The following KLRG1 variants were observed in gnomAD, a reference collection of about 807,000 sequenced individuals.
KLRG1 encodes killer cell lectin like receptor G1.
In KLRG1, 16 loss-of-function variants were observed where a neutral mutation model predicts 21.8. The observed-to-expected ratio is 0.73, with a 90% CI of 0.50 to 1.11. The LOEUF (loss-of-function observed/expected upper bound fraction) is 1.11, where lower values mean the gene tolerates loss of function less well. Ranked by LOEUF, KLRG1 falls within the 50% of genes most tolerant of loss-of-function variation. The pLI, the probability that KLRG1 is intolerant of heterozygous loss-of-function variation, is 0.00. For synonymous variants in KLRG1, 69 were observed against 75.9 expected (o/e 0.91, Z 0.47); for missense variants, 173 against 218.3 (o/e 0.79, Z 1.31).
At chr12:9,196,772 A>T in the KLRG1 span, 1 of 1,214,640 alleles carries the variant, frequency 8.2e-7, no homozygotes, top group Non-Finnish European at 1.2e-6. Flanking sequence ...ATGACAAGAA[A>T]ACTTTTTTTT....
At chr12:9,062,227 A>G in the KLRG1 span, among the ~76,000 whole-genome samples, 1 of 124,830 alleles carries the variant, frequency 8.0e-6, no homozygotes, top group African/African-American at 3.2e-5. Context: ...CACCTGACAC[A>G]ATAGATGGAT....
chr12:9,058,496 T>C, the KLRG1 span: 1 of 152,166 alleles, frequency 6.6e-6, no homozygotes, highest in African/African-American at 2.4e-5. Flanking sequence ...TAAATATTCA[T>C]ATGCTCATTG....
At chr12:9,165,279 C>T in the KLRG1 span, 1 of 1,614,140 alleles carries the variant, frequency 6.2e-7, no homozygotes, top group East Asian at 2.2e-5. Flanking sequence ...ATACCAAGTC[C>T]AGCATCTTCG....
chr12:9,187,493 C>G, the KLRG1 span, among the ~76,000 whole-genome samples: 3 of 152,132 alleles, frequency 2.0e-5, no homozygotes, highest in African/African-American at 7.2e-5. Flanking sequence ...CTCGGACTAC[C>G]ATGTGATTAA....
At chr12:9,180,957 G>A in the KLRG1 span, 2 of 1,602,588 alleles carry the variant, frequency 1.2e-6, no homozygotes, top group South Asian at 2.2e-5. Context: ...GGCCCTTCCT[G>A]GTCCCCAAGG....
chr12:8,963,986 G>A (rs1358714017), intron 1 of KLRG1, among the ~76,000 whole-genome samples: 4 of 152,074 alleles, frequency 2.6e-5, no homozygotes, highest in African/African-American at 7.2e-5. Context: ...CAAAAAACCA[G>A]CTCCTGGATT....
the KLRG1 span, among the ~76,000 whole-genome samples, chr12:9,037,414 A>G: frequency 6.6e-6 from 1 of 152,202 alleles, no homozygotes; most frequent in Non-Finnish European, 1.5e-5. Flanking sequence ...TGAATTGGTT[A>G]TGTATCTAGT....
the KLRG1 span, chr12:9,067,491 C>T: frequency 5.3e-6 from 2 of 377,480 alleles, no homozygotes; most frequent in Non-Finnish European, 1.0e-5. Flanking sequence ...ATTCCCATAA[C>T]CAAACACACT....
chr12:9,096,469 G>A, the KLRG1 span, among the ~76,000 whole-genome samples: 2 of 152,160 alleles, frequency 1.3e-5, no homozygotes, highest in Admixed American at 6.5e-5. Context: ...ACAGGCACAC[G>A]AATAGGAATA....
At chr12:9,127,379 GTTT>G in the KLRG1 span, among the ~76,000 whole-genome samples, 14 of 152,248 alleles carry the variant, frequency 9.2e-5, no homozygotes, top group South Asian at 1.7e-3. Flanking sequence ...TGGTTTTGGT[GTTT>G]TATCAGCCCT....
At chr12:9,169,702 T>C in the KLRG1 span, 1,650 of 1,037,696 alleles carry the variant, frequency 1.6e-3, 19 homozygotes, top group African/African-American at 0.024. Context: ...AGTACGTTCA[T>C]GTAGTTGGTA....
intron 1 of KLRG1, among the ~76,000 whole-genome samples, chr12:8,959,828 G>A (rs1946354307): frequency 6.6e-6 from 1 of 152,064 alleles, no homozygotes; most frequent in Non-Finnish European, 1.5e-5. Context: ...AATTTATTTT[G>A]TGAATGTTTA....
intron 1 of KLRG1, among the ~76,000 whole-genome samples, chr12:8,983,485 C>T (rs935447353): frequency 1.1e-4 from 16 of 146,156 alleles, no homozygotes; most frequent in South Asian, 6.4e-4. Flanking sequence ...ACTGCAACCT[C>T]GGCCTCCTGG....
chr12:9,035,607 AAGAC>A, the KLRG1 span, among the ~76,000 whole-genome samples: 7 of 151,964 alleles, frequency 4.6e-5, no homozygotes, highest in Non-Finnish European at 8.8e-5. Context: ...AAAAAAAAAA[AAGAC>A]AGAACTACCA....
At chr12:9,123,633 C>T in the KLRG1 span, among the ~76,000 whole-genome samples, 69 of 149,518 alleles carry the variant, frequency 4.6e-4, no homozygotes, top group Admixed American at 4.6e-3. Context: ...CCCTGGATGA[C>T]CAAGGGTAAC....
intron 1 of KLRG1, among the ~76,000 whole-genome samples, chr12:8,973,687 G>A (rs1304471169): frequency 6.6e-6 from 1 of 151,980 alleles, no homozygotes; most frequent in Non-Finnish European, 1.5e-5. Flanking sequence ...CATGAACATG[G>A]GATATCTTTC....
At chr12:9,134,734 A>G in the KLRG1 span, among the ~76,000 whole-genome samples, 2 of 152,128 alleles carry the variant, frequency 1.3e-5, no homozygotes, top group East Asian at 3.9e-4. Context: ...TTTGTCGTAT[A>G]CAGAATTTTC....
the KLRG1 span, among the ~76,000 whole-genome samples, chr12:9,140,232 A>G: frequency 6.6e-6 from 1 of 152,202 alleles, no homozygotes; most frequent in Non-Finnish European, 1.5e-5. Context: ...TTAATTAGGC[A>G]GGGTAAGAAC....
the KLRG1 span, chr12:9,072,355 T>G: frequency 7.1e-5 from 114 of 1,613,686 alleles, no homozygotes; most frequent in Non-Finnish European, 9.6e-5. Flanking sequence ...TCAGAAGGTC[T>G]TACCTGACAC....
Sources: allele counts gnomAD v4.1 joint callset (sites outside exome capture counted in the v4.1 genomes callset), GRCh38; gene constraint gnomAD v4.1.1; transcripts MANE v1.5; gene names NCBI Gene and HGNC (gene_info 2026-07-23, HGNC 2026-07-21).